ATXN1: variants seen among roughly 807,000 people sequenced by gnomAD.
ATXN1 encodes the protein ataxin-1.
Under a neutral mutation model 56.4 loss-of-function variants are expected in ATXN1, and 8 were observed. The observed-to-expected ratio is 0.14, with a 90% CI of 0.08 to 0.26. ATXN1 has a LOEUF of 0.26. Among genes scored for constraint, ATXN1 ranks in the 10% least tolerant of loss-of-function variants. ATXN1 has a pLI of 1.00. For synonymous variants in ATXN1, 514 were observed against 494.6 expected (o/e 1.04, Z -0.52); for missense variants, 987 against 1,106.5 (o/e 0.89, Z 1.53).
intron 4 of ATXN1, among the ~76,000 whole-genome samples, chr6:16,553,991 A>T (rs1274487755): frequency 1.3e-5 from 2 of 152,342 alleles, no homozygotes; most frequent in Non-Finnish European, 2.9e-5. Context: ...TCTTTGAAGG[A>T]CAGGGCAGCA....
Position 16,760,255 on chromosome 6 carries a change from T to G in ATXN1, c.-730+1043A>C, listed in dbSNP as rs1435443142. Among the ~76,000 whole-genome samples, 1 of 151,366 alleles carries G rather than the reference T, an allele frequency of 6.6e-6. No homozygotes were observed. The highest frequency in any genetic ancestry group is 1.5e-5 in the Non-Finnish European group (1 of 67,794). ...CTCCTCCGCGGCGGCCGCCGCCTCC[T>G]CCTCCTTCCCCTCCTCCTGGCTTCA... On this transcript the variant is annotated intron_variant, in intron 1 of 7. Transcript: ENST00000436367. This position sits in a 1 kb window ranked among gnomAD's most constrained non-coding sequence, Gnocchi z 5.3.
chr6:16,567,485 A>G lies in ATXN1; in HGVS notation c.-361+18295T>C, dbSNP rs150511968. Among the ~76,000 whole-genome samples the G allele has an allele frequency of 2.3e-3, 353 of 152,322 alleles. 3 individuals are homozygous for G. The highest frequency in any genetic ancestry group is 8.0e-3 in the African/African-American group (332 of 41,568). ...ATGTTTCTTTCCACTGCAAGGGTGC[A>G]TGTGTGAGGGGGGAACAAAGTATTC... On this transcript the variant is annotated intron_variant, in intron 4 of 7. Transcript: ENST00000436367.
chr6:16,698,320 C>A (rs949100811), intron 2 of ATXN1, among the ~76,000 whole-genome samples: 3 of 152,188 alleles, frequency 2.0e-5, no homozygotes, highest in African/African-American at 4.8e-5. Flanking sequence ...TTTAGAGCAG[C>A]TCATAGTACC....
At chr6:16,605,426 G>C (rs1424905600) in intron 3 of ATXN1, among the ~76,000 whole-genome samples, 3 of 152,108 alleles carry the variant, frequency 2.0e-5, no homozygotes, top group Non-Finnish European at 2.9e-5. Context: ...TATATAACAG[G>C]GCTGCCCATG....
At chr6:16,526,832 C>G (rs1262021670) in intron 4 of ATXN1, among the ~76,000 whole-genome samples, 1 of 149,940 alleles carries the variant, frequency 6.7e-6, no homozygotes, top group Non-Finnish European at 1.5e-5. Context: ...ATTTTAAAGA[C>G]TCGGGATAAT....
At chr6:16,656,253 C>T (rs1296508223) in intron 3 of ATXN1, among the ~76,000 whole-genome samples, 1 of 152,046 alleles carries the variant, frequency 6.6e-6, no homozygotes, top group Non-Finnish European at 1.5e-5. Flanking sequence ...CAAATGACCA[C>T]CAAGCCTACA....
At chr6:16,688,727 C>A (rs192779631) in intron 2 of ATXN1, among the ~76,000 whole-genome samples, 4 of 152,120 alleles carry the variant, frequency 2.6e-5, no homozygotes, top group Non-Finnish European at 4.4e-5. Flanking sequence ...TGCTTTTACC[C>A]GGCTCACTTA....
chr6:16,323,525 CAAAAAAAAAAAAAA>C (rs35308265), intron 7 of ATXN1, among the ~76,000 whole-genome samples: 9 of 48,846 alleles, frequency 1.8e-4, no homozygotes, highest in South Asian at 1.1e-3. Flanking sequence ...ACTCTGTCTC[CAAAAAAAAAAAAAA>C]AAAAAAAAAA....
At chr6:16,703,631 G>C (rs966933389) in intron 2 of ATXN1, among the ~76,000 whole-genome samples, 1 of 152,136 alleles carries the variant, frequency 6.6e-6, no homozygotes, top group East Asian at 1.9e-4. Flanking sequence ...GGGGGTAAAT[G>C]TTTCCTTTCT....
intron 2 of ATXN1, among the ~76,000 whole-genome samples, chr6:16,661,478 C>A (rs1326304984): frequency 6.6e-6 from 1 of 152,100 alleles, no homozygotes; most frequent in African/African-American, 2.4e-5. Context: ...CAGGAATAGA[C>A]CATAAGGGGA....
intron 2 of ATXN1, among the ~76,000 whole-genome samples, chr6:16,705,556 A>AC (rs1444283430): frequency 5.9e-5 from 9 of 151,358 alleles, no homozygotes; most frequent in Non-Finnish European, 1.2e-4. Flanking sequence ...ACCAGACACT[A>AC]CCCCCCTCTC....
At chr6:16,436,018 C>T (rs1759380482) in intron 6 of ATXN1, among the ~76,000 whole-genome samples, 1 of 152,146 alleles carries the variant, frequency 6.6e-6, no homozygotes. Context: ...CTGCCTTAGC[C>T]TCCTGAGTGG....
intron 2 of ATXN1, among the ~76,000 whole-genome samples, chr6:16,675,967 G>C (rs534834853): frequency 6.6e-6 from 1 of 152,154 alleles, no homozygotes; most frequent in South Asian, 2.1e-4. Flanking sequence ...CAGGGTTATG[G>C]GGAAGGAACA....
intron 2 of ATXN1, among the ~76,000 whole-genome samples, chr6:16,695,683 A>G (rs1759150072): frequency 6.6e-6 from 1 of 152,236 alleles, no homozygotes; most frequent in East Asian, 1.9e-4. Context: ...TGAGAGGTGA[A>G]TGATTTAAGA....
chr6:16,324,926 T>C (rs564473703), intron 7 of ATXN1, among the ~76,000 whole-genome samples: 6 of 152,166 alleles, frequency 3.9e-5, no homozygotes, highest in Non-Finnish European at 7.3e-5. Context: ...TATTTTAGTG[T>C]CTTGTGGATC....
At chr6:16,425,165 G>C (rs1267900472) in intron 6 of ATXN1, among the ~76,000 whole-genome samples, 1 of 152,156 alleles carries the variant, frequency 6.6e-6, no homozygotes, top group Non-Finnish European at 1.5e-5. Context: ...CAGATTCTGT[G>C]AAACAGAGCA....
chr6:16,462,124 T>C (rs1189037611), intron 6 of ATXN1, among the ~76,000 whole-genome samples: 1 of 152,178 alleles, frequency 6.6e-6, no homozygotes, highest in Non-Finnish European at 1.5e-5. Context: ...AACCAGGAGA[T>C]TTACTGTTGG....
At chr6:16,525,915 C>T (rs171054) in intron 4 of ATXN1, among the ~76,000 whole-genome samples, 11,396 of 150,828 alleles carry the variant, frequency 0.076, 848 homozygotes, top group African/African-American at 0.19. Context: ...ATAGAAAAAC[C>T]CAAGTAATAC....
At chr6:16,569,421 G>A (rs1762289938) in intron 4 of ATXN1, among the ~76,000 whole-genome samples, 1 of 151,720 alleles carries the variant, frequency 6.6e-6, no homozygotes, top group South Asian at 2.1e-4. Context: ...TAGCTACTGG[G>A]GAGGCTAAGA....
Sources: gnomAD v4.1 joint callset for allele counts (sites outside exome capture counted in the v4.1 genomes callset) on GRCh38, gnomAD v4.1.1 for gene constraint, Gnocchi (gnomAD v3.1) non-coding constraint, MANE v1.5 for transcripts, NCBI Gene and HGNC (gene_info 2026-07-23, HGNC 2026-07-21) for gene names.